Variants in CACNA2D3 observed in about 807,000 individuals in gnomAD.
The protein encoded by CACNA2D3 is calcium voltage-gated channel auxiliary subunit alpha2delta 3, also known as voltage-dependent calcium channel subunit alpha-2/delta-3.
CACNA2D3 carries 60 observed loss-of-function variants against 160.6 expected under a neutral mutation model. The ratio of observed to expected loss-of-function variants is 0.37; its 90% confidence interval spans 0.30 to 0.46. CACNA2D3 has a LOEUF of 0.46. CACNA2D3 is among the 20% of genes least tolerant of loss of function. The pLI, the probability that CACNA2D3 is intolerant of heterozygous loss-of-function variation, is 1.00. For missense variants in CACNA2D3, 1,205 were observed against 1,365.0 expected (o/e 0.88, Z 1.85); for synonymous variants, 558 against 492.9 (o/e 1.13, Z -1.75).
At chr3:54,377,783 A>G (rs758773122) in intron 3 of CACNA2D3, among the ~76,000 whole-genome samples, 39 of 152,238 alleles carry the variant, frequency 2.6e-4, no homozygotes, top group African/African-American at 6.3e-4. Context: ...TCAGTTATCT[A>G]TTTATTGGGG....
At chr3:54,442,580 G>A (rs1700161435) in intron 4 of CACNA2D3, among the ~76,000 whole-genome samples, 1 of 152,138 alleles carries the variant, frequency 6.6e-6, no homozygotes, top group African/African-American at 2.4e-5. Flanking sequence ...GCCATGGTGG[G>A]GTGGCTTTTC....
chr3:54,735,482 C>T (rs1277309732), intron 11 of CACNA2D3, among the ~76,000 whole-genome samples: 1 of 152,180 alleles, frequency 6.6e-6, no homozygotes, highest in Non-Finnish European at 1.5e-5. Flanking sequence ...TGAGGACTTG[C>T]CAGTTCTCAG....
chr3:54,706,544 T>A (rs1700860624), intron 11 of CACNA2D3, among the ~76,000 whole-genome samples: 1 of 152,204 alleles, frequency 6.6e-6, no homozygotes, highest in Non-Finnish European at 1.5e-5. Flanking sequence ...CTTTGGTGCT[T>A]GGACTTTCAT....
intron 5 of CACNA2D3, among the ~76,000 whole-genome samples, chr3:54,536,555 C>T (rs1019758444): frequency 2.0e-5 from 3 of 152,220 alleles, no homozygotes; most frequent in Non-Finnish European, 4.4e-5. Context: ...AATGTGTTCT[C>T]CACAGGGTGA....
At chr3:54,645,118 G>A (rs113997817) in intron 11 of CACNA2D3, among the ~76,000 whole-genome samples, 1 of 152,314 alleles carries the variant, frequency 6.6e-6, no homozygotes, top group African/African-American at 2.4e-5. Context: ...ATTGTGCATG[G>A]CTGGGAGGCC....
chr3:54,167,455 C>CTGG, intron 2 of CACNA2D3, among the ~76,000 whole-genome samples: 1 of 152,170 alleles, frequency 6.6e-6, no homozygotes, highest in South Asian at 2.1e-4. Context: ...TGCCATACAC[C>CTGG]GCAGAGCCTG....
At chr3:54,996,023 A>G (rs1702849573) in intron 31 of CACNA2D3, among the ~76,000 whole-genome samples, 1 of 152,218 alleles carries the variant, frequency 6.6e-6, no homozygotes, top group Non-Finnish European at 1.5e-5. Flanking sequence ...GGAAGTAGGA[A>G]CATTCAATAA....
chr3:54,550,461 G>A (rs1411541966), intron 5 of CACNA2D3, among the ~76,000 whole-genome samples: 1 of 152,180 alleles, frequency 6.6e-6, no homozygotes, highest in Non-Finnish European at 1.5e-5. Context: ...CCCCCTGGAG[G>A]TTTCACACCC....
intron 2 of CACNA2D3, among the ~76,000 whole-genome samples, chr3:54,125,906 C>T (rs1342062371): frequency 2.0e-5 from 3 of 152,166 alleles, no homozygotes; most frequent in South Asian, 2.1e-4. Context: ...AGTCAGAGCT[C>T]TGTGCACCCT....
At chr3:54,789,890 C>T (rs1489198664) in intron 13 of CACNA2D3, 7 of 516,924 alleles carry the variant, frequency 1.4e-5, no homozygotes, top group South Asian at 9.8e-5. Flanking sequence ...GTGACACAGG[C>T]TGTTTCAGGG....
chr3:54,700,562 G>A (rs1345967052), intron 11 of CACNA2D3, among the ~76,000 whole-genome samples: 2 of 152,142 alleles, frequency 1.3e-5, no homozygotes, highest in Non-Finnish European at 2.9e-5. Context: ...TTCTCCAGAG[G>A]ATGTTTCAAA....
chr3:54,801,803 GA>G lies in CACNA2D3; in HGVS notation c.1381-15040del, dbSNP rs930523771. On this transcript the variant is annotated intron_variant, in intron 13 of 37. Coordinates refer to ENST00000474759, the MANE Select transcript of CACNA2D3 (RefSeq NM_018398.3). ...CTTGCTTTTAAACATACCATTGGAA[GA>G]AAAAAAAAATTGAAGTCCCATCCAT... is the stretch of plus-strand genomic sequence containing the variant. Among the ~76,000 whole-genome samples, 8 of 148,240 alleles carry G rather than the reference GA, an allele frequency of 5.4e-5. No individual in the cohort carries two copies. The East Asian group carries it at 5.9e-4, about 11-fold the overall frequency.
chr3:54,367,676 C>A, intron 3 of CACNA2D3: 1 of 215,502 alleles, frequency 4.6e-6, no homozygotes, highest in Non-Finnish European at 1.0e-5. Context: ...AGAGCTCATC[C>A]CAGATTTTTG....
In CACNA2D3 at chr3:54,337,077, TAGACAGAC is replaced by T. The variant is rs145837278; in HGVS notation, c.321+16539_321+16546del. Among the ~76,000 whole-genome samples, 18 of 151,848 alleles carry T rather than the reference TAGACAGAC, an allele frequency of 1.2e-4. No homozygotes were observed. The East Asian group carries it at 2.9e-3, about 25-fold the overall frequency. ...ATATACACAGACATAGAACGAGACA[TAGACAGAC>T]AGACAGACAGACAGACAGAAATCCG... On this transcript the variant is annotated intron_variant, in intron 3 of 37. Transcript: ENST00000474759.
intron 27 of CACNA2D3, among the ~76,000 whole-genome samples, chr3:54,942,231 A>G (rs534146029): frequency 2.0e-5 from 3 of 152,272 alleles, no homozygotes; most frequent in South Asian, 2.1e-4. Context: ...ACGCCAGCCC[A>G]TGGTCCCTTG....
intron 3 of CACNA2D3, among the ~76,000 whole-genome samples, chr3:54,362,093 A>G (rs1027126688): frequency 3.3e-5 from 5 of 152,194 alleles, no homozygotes; most frequent in African/African-American, 1.2e-4. Flanking sequence ...CACCATAACA[A>G]ATCACCACAC....
chr3:54,539,966 G>A (rs1023324663), intron 5 of CACNA2D3, among the ~76,000 whole-genome samples: 24 of 152,288 alleles, frequency 1.6e-4, no homozygotes, highest in African/African-American at 5.5e-4. Flanking sequence ...AAATAGGTGA[G>A]CCTGGAAAGT....
intron 10 of CACNA2D3, among the ~76,000 whole-genome samples, chr3:54,635,772 A>G (rs898781653): frequency 8.6e-5 from 13 of 151,818 alleles, no homozygotes; most frequent in African/African-American, 3.2e-4. Context: ...CTGAATACTA[A>G]GAGCCTGAAA....
chr3:54,308,609 A>T (rs1703660669), intron 2 of CACNA2D3, among the ~76,000 whole-genome samples: 1 of 152,180 alleles, frequency 6.6e-6, no homozygotes, highest in Non-Finnish European at 1.5e-5. Flanking sequence ...AGCCGCTGAG[A>T]TATGGGGGTT....
Sources: gnomAD v4.1 joint callset for allele counts (sites outside exome capture counted in the v4.1 genomes callset) on GRCh38, gnomAD v4.1.1 for gene constraint, MANE v1.5 for transcripts, NCBI Gene and HGNC (gene_info 2026-07-23, HGNC 2026-07-21) for gene names.